The following LRMDA variants were observed in gnomAD, a reference collection of about 807,000 sequenced individuals.
The protein encoded by LRMDA is leucine-rich melanocyte differentiation-associated protein.
A neutral mutation model predicts 29.8 loss-of-function variants in LRMDA; 18 were observed. The ratio of observed to expected loss-of-function variants is 0.60; its 90% CI spans 0.42 to 0.90. The LOEUF (loss-of-function observed/expected upper bound fraction) is 0.90. Ranked by LOEUF, LRMDA falls within the 40% of genes least tolerant of loss-of-function variation. The probability of loss-of-function intolerance (pLI) is 0.00; values close to 1 mark genes in which losing one functional copy is unlikely to be tolerated. For missense variants in LRMDA, 273 were observed against 273.9 expected (o/e 1.00, Z 0.02); for synonymous variants, 125 against 109.4 (o/e 1.14, Z -0.89).
intron 2 of LRMDA, among the ~76,000 whole-genome samples, chr10:75,710,791 A>G (rs753748772): frequency 1.3e-5 from 2 of 152,192 alleles, no homozygotes; most frequent in South Asian, 2.1e-4. Flanking sequence ...TTTTCTTTTT[A>G]TCCTGTGGGT....
intron 2 of LRMDA, among the ~76,000 whole-genome samples, chr10:75,664,142 G>T (rs575297551): frequency 5.9e-5 from 9 of 152,218 alleles, no homozygotes; most frequent in African/African-American, 2.2e-4. Flanking sequence ...GGTCTAGATC[G>T]CTGACTCATG....
intron 2 of LRMDA, among the ~76,000 whole-genome samples, chr10:75,449,624 G>A (rs2132030194): frequency 6.6e-6 from 1 of 151,754 alleles, no homozygotes; most frequent in East Asian, 1.9e-4. Flanking sequence ...TAGAGGCCCT[G>A]AAGTCATACG....
At chr10:76,218,033 G>T (rs74668428) in intron 5 of LRMDA, among the ~76,000 whole-genome samples, 17 of 152,244 alleles carry the variant, frequency 1.1e-4, no homozygotes, top group African/African-American at 3.6e-4. Context: ...TTCTCCCTGC[G>T]TACCCTGTAG....
intron 6 of LRMDA, among the ~76,000 whole-genome samples, chr10:76,378,046 C>T (rs1841543417): frequency 6.6e-6 from 1 of 151,982 alleles, no homozygotes; most frequent in Admixed American, 6.6e-5. Flanking sequence ...TTGTTTGTGT[C>T]ATCTGTGATT....
intron 5 of LRMDA, among the ~76,000 whole-genome samples, chr10:76,285,989 T>C (rs796863766): frequency 8.5e-5 from 13 of 152,294 alleles, no homozygotes; most frequent in African/African-American, 2.9e-4. Flanking sequence ...GGACTGACCT[T>C]GCGTTGAGGC....
In LRMDA at chr10:75,750,969, G is replaced by A. The variant is rs563440264; in HGVS notation, c.132-285039G>A. Reference sequence around the variant, plus strand: ...CTTTGGGAGGCCAAGGCAGGCGGCTGGGAGGTGGAGTTTGTAGCCAGCCGA... The same window carrying A: ...CTTTGGGAGGCCAAGGCAGGCGGCTAGGAGGTGGAGTTTGTAGCCAGCCGA... On this transcript the variant is annotated intron_variant, in intron 2 of 6. Transcript: ENST00000611255. Among the ~76,000 whole-genome samples the A allele has an allele frequency of 2.7e-4, 41 of 152,346 alleles. No individual in the cohort carries two copies. The South Asian group carries it at 4.1e-3, about 15-fold the overall frequency.
chr10:76,032,709 G>C, intron 2 of LRMDA, among the ~76,000 whole-genome samples: 1 of 152,048 alleles, frequency 6.6e-6, no homozygotes, highest in African/African-American at 2.4e-5. Context: ...GGGAGTTCCA[G>C]GGGTGCTGAT....
chr10:76,229,873 A>G (rs1442238243), intron 5 of LRMDA, among the ~76,000 whole-genome samples: 3 of 151,854 alleles, frequency 2.0e-5, no homozygotes, highest in African/African-American at 7.3e-5. Context: ...CGACTTCACC[A>G]TTTTGCCCCT....
At chr10:75,972,742 T>C (rs1157140404) in intron 2 of LRMDA, among the ~76,000 whole-genome samples, 1 of 152,120 alleles carries the variant, frequency 6.6e-6, no homozygotes, top group African/African-American at 2.4e-5. Context: ...TGCAGCAGTG[T>C]GCGTCAGAAG....
intron 2 of LRMDA, among the ~76,000 whole-genome samples, chr10:75,889,836 TTTAA>T (rs1252022407): frequency 1.3e-5 from 2 of 152,216 alleles, no homozygotes; most frequent in Non-Finnish European, 2.9e-5. Context: ...TATGGTTATG[TTTAA>T]TTAATTGCTA....
intron 2 of LRMDA, among the ~76,000 whole-genome samples, chr10:75,561,808 C>G (rs1467662716): frequency 6.6e-6 from 1 of 151,966 alleles, no homozygotes; most frequent in Admixed American, 6.6e-5. Flanking sequence ...CATTCAGGAG[C>G]AGGTTGTTCA....
chr10:76,370,194 T>G (rs896144820), intron 6 of LRMDA, among the ~76,000 whole-genome samples: 2 of 152,068 alleles, frequency 1.3e-5, no homozygotes, highest in African/African-American at 4.8e-5. Flanking sequence ...TTTTATTTGC[T>G]TTAGTGTAAT....
At chr10:75,860,252 C>T (rs1219100655) in intron 2 of LRMDA, among the ~76,000 whole-genome samples, 2 of 150,910 alleles carry the variant, frequency 1.3e-5, no homozygotes, top group Admixed American at 1.3e-4. Context: ...ATCTCTAGAG[C>T]CTGAGGACTA....
intron 5 of LRMDA, among the ~76,000 whole-genome samples, chr10:76,290,870 AG>A: frequency 6.6e-6 from 1 of 152,220 alleles, no homozygotes. Flanking sequence ...GTTGACTCTG[AG>A]AAGTAGTATG....
At chr10:75,900,041 C>T (rs1416850580) in intron 2 of LRMDA, among the ~76,000 whole-genome samples, 1 of 152,186 alleles carries the variant, frequency 6.6e-6, no homozygotes, top group Non-Finnish European at 1.5e-5. Flanking sequence ...TTTGAGAAAA[C>T]AAATACTTTT....
chr10:76,250,871 T>C, intron 5 of LRMDA, among the ~76,000 whole-genome samples: 1 of 152,210 alleles, frequency 6.6e-6, no homozygotes. Context: ...CCCTCTCTGC[T>C]ATCAATCAGA....
At position 76,155,959 on chromosome 10, in the gene LRMDA, G is replaced by A. The variant is rs138075387; in HGVS notation, c.516+97176G>A. 1.9e-3 allele frequency among the ~76,000 whole-genome samples: 292 copies of A among 152,244 alleles called. 1 individual carries two copies. The highest frequency in any genetic ancestry group is 6.5e-3 in the African/African-American group (271 of 41,556). On this transcript the variant is annotated intron_variant, in intron 5 of 6. Coordinates refer to ENST00000611255, the MANE Select transcript of LRMDA (RefSeq NM_001305581.2). ...AACTCAAGGTCTAATTGTAAGCCAA[G>A]TCTTACAGAATTGTGTTCTTAAAAC...
chr10:76,376,718 C>G (rs1841522643), intron 6 of LRMDA, among the ~76,000 whole-genome samples: 1 of 152,056 alleles, frequency 6.6e-6, no homozygotes, highest in African/African-American at 2.4e-5. Context: ...TCTCCACATT[C>G]TTGCCAACAT....
chr10:75,780,451 T>A (rs1004101690), intron 2 of LRMDA, among the ~76,000 whole-genome samples: 4 of 152,032 alleles, frequency 2.6e-5, no homozygotes, highest in African/African-American at 9.7e-5. Context: ...GGAATATAGA[T>A]CTCCCTGCTG....
Sources: allele counts gnomAD v4.1 joint callset (sites outside exome capture counted in the v4.1 genomes callset), GRCh38; gene constraint gnomAD v4.1.1; transcripts MANE v1.5; gene names NCBI Gene and HGNC (gene_info 2026-07-23, HGNC 2026-07-21).